Variants in MREG observed in about 807,000 individuals in gnomAD.
MREG encodes dilute suppressor protein homolog.
Under a neutral mutation model 28.5 loss-of-function variants are expected in MREG, and 31 were observed. The observed-to-expected ratio is 1.09, with a 90% CI of 0.82 to 1.47. MREG has a LOEUF of 1.47. Among genes scored for constraint, MREG ranks in the 40% most tolerant of loss-of-function variants. The pLI, the probability that MREG is intolerant of heterozygous loss-of-function variation, is 0.00. For synonymous variants in MREG, 106 were observed against 95.2 expected, an observed-to-expected ratio of 1.11 and a Z score of -0.66; for missense variants, 256 against 257.4, an observed-to-expected ratio of 0.99 and a Z score of 0.04.
rs770513075 is a variant in MREG, at chr2:215,944,905, A to G, written c.603T>C (p.Asp201=). 5 of 1,608,180 alleles carry G rather than the reference A, an allele frequency of 3.1e-6. No individual in the cohort carries two copies. The highest frequency in any genetic ancestry group is 2.2e-5 in the East Asian group (1 of 44,744). The change falls in exon 5 of 5, where the codon GAT becomes GAC. Residue 201 remains aspartate (D), a synonymous_variant. Coordinates refer to ENST00000263268, the MANE Select transcript of MREG (RefSeq NM_018000.3). ...GAAGGTAGTGCAGTTCTTTCTGGCCATCTGCCAGGCATGGAACCCCAGGCT... is the reference window on the plus strand; with the variant it reads ...GAAGGTAGTGCAGTTCTTTCTGGCCGTCTGCCAGGCATGGAACCCCAGGCT... ...PKKPGVPCLA[D]GQKELHYLPF...
intron 3 of MREG, 106 bp from the exon 4 acceptor site, chr2:215,945,840 A>T (rs1325683741): frequency 1.0e-6 from 1 of 958,614 alleles, no homozygotes. Flanking sequence ...TGGATTCTGT[A>T]CAAGCATAAA....
At chr2:216,025,779 G>A (rs1036607981) in intron 1 of MREG, among the ~76,000 whole-genome samples, 2 of 152,206 alleles carry the variant, frequency 1.3e-5, no homozygotes, top group Non-Finnish European at 2.9e-5. Context: ...TCTAGAGCCC[G>A]TGAATCTCAG....
intron 2 of MREG, among the ~76,000 whole-genome samples, chr2:215,982,491 T>C (rs1693457174): frequency 6.6e-6 from 1 of 151,842 alleles, no homozygotes; most frequent in Non-Finnish European, 1.5e-5. Flanking sequence ...AATCCATGGG[T>C]TTTAGTAATC....
intron 2 of MREG, among the ~76,000 whole-genome samples, chr2:215,990,016 C>A (rs1273408887): frequency 1.3e-5 from 2 of 152,018 alleles, no homozygotes; most frequent in Non-Finnish European, 2.9e-5. Flanking sequence ...GCAAGACAGG[C>A]CAACATTCAA....
chr2:215,955,346 G>A (rs1046199913), intron 2 of MREG, among the ~76,000 whole-genome samples: 11 of 151,956 alleles, frequency 7.2e-5, no homozygotes, highest in South Asian at 6.2e-4. Context: ...AAGATTTTTC[G>A]CTTCCTAGTC....
chr2:215,985,018 C>G (rs550672725), intron 2 of MREG, among the ~76,000 whole-genome samples: 5 of 152,188 alleles, frequency 3.3e-5, no homozygotes, highest in Non-Finnish European at 5.9e-5. Context: ...AAGCCAGATT[C>G]AAATCCTGCA....
At chr2:215,999,882 A>G (rs1693969473) in intron 1 of MREG, among the ~76,000 whole-genome samples, 1 of 152,160 alleles carries the variant, frequency 6.6e-6, no homozygotes, top group African/African-American at 2.4e-5. Context: ...AGAGATCTAG[A>G]TGTGGGAGCA....
At chr2:215,959,356 C>T (rs1480038869) in intron 2 of MREG, among the ~76,000 whole-genome samples, 1 of 143,314 alleles carries the variant, frequency 7.0e-6, no homozygotes, top group Non-Finnish European at 1.5e-5. Flanking sequence ...CTAAGTCACC[C>T]TTCCACCTTA....
intron 1 of MREG, among the ~76,000 whole-genome samples, chr2:216,006,601 C>T (rs1031557274): frequency 3.9e-5 from 6 of 152,272 alleles, no homozygotes; most frequent in African/African-American, 7.2e-5. Context: ...GACCTGGCTC[C>T]GGAAAACCCA....
intron 1 of MREG, among the ~76,000 whole-genome samples, chr2:216,009,335 C>T (rs1474983713): frequency 6.7e-6 from 1 of 149,432 alleles, no homozygotes; most frequent in Non-Finnish European, 1.5e-5. Flanking sequence ...AGCTAAAGTA[C>T]AAAAATGCAA....
upstream of MREG, among the ~76,000 whole-genome samples, chr2:216,017,853 A>C (rs903071720): frequency 1.3e-5 from 2 of 152,174 alleles, no homozygotes; most frequent in East Asian, 3.8e-4. Flanking sequence ...TTAGAAATTC[A>C]AAACACTGAA....
intron 1 of MREG, among the ~76,000 whole-genome samples, chr2:216,026,654 A>G (rs1275952968): frequency 6.6e-6 from 1 of 152,018 alleles, no homozygotes; most frequent in Non-Finnish European, 1.5e-5. Context: ...AGCCACCACA[A>G]CTGGCTAAAC....
chr2:216,031,839 T>C (rs1214722609), intron 1 of MREG, among the ~76,000 whole-genome samples: 2 of 152,198 alleles, frequency 1.3e-5, no homozygotes, highest in African/African-American at 4.8e-5. Context: ...CACAGCTAAA[T>C]CTCGCAGCAA....
intron 2 of MREG, among the ~76,000 whole-genome samples, chr2:215,975,842 T>C (rs1212989110): frequency 2.0e-5 from 3 of 152,044 alleles, no homozygotes; most frequent in Non-Finnish European, 4.4e-5. Context: ...TCCCAGCACT[T>C]TGGGAGGTTG....
chr2:215,956,699 C>G (rs1168014217), intron 2 of MREG, among the ~76,000 whole-genome samples: 1 of 152,046 alleles, frequency 6.6e-6, no homozygotes, highest in African/African-American at 2.4e-5. Context: ...TCACCACATC[C>G]AGCTAATTTT....
At chr2:216,024,084 A>T (rs1694560815) in intron 1 of MREG, among the ~76,000 whole-genome samples, 1 of 152,118 alleles carries the variant, frequency 6.6e-6, no homozygotes, top group Non-Finnish European at 1.5e-5. Context: ...CTGAAACTGG[A>T]TGCCTCTAAG....
intron 2 of MREG, among the ~76,000 whole-genome samples, chr2:215,978,115 A>G (rs916853648): frequency 4.6e-5 from 7 of 152,184 alleles, no homozygotes; most frequent in Non-Finnish European, 1.5e-5. Context: ...GAAAAGATCA[A>G]CAAAATTGAT....
chr2:216,033,081 A>G (rs1694735199), upstream of MREG: 2 of 152,180 alleles, frequency 1.3e-5, no homozygotes, highest in Admixed American at 1.3e-4. Flanking sequence ...TAGTTGGGGA[A>G]CTTCTAAACT....
At chr2:216,023,413 G>C (rs1421678659) in intron 1 of MREG, among the ~76,000 whole-genome samples, 1 of 152,190 alleles carries the variant, frequency 6.6e-6, no homozygotes, top group Non-Finnish European at 1.5e-5. Context: ...ATTTAAACTA[G>C]CTGTAAACTA....
Sources: allele counts gnomAD v4.1 joint callset (sites outside exome capture counted in the v4.1 genomes callset), GRCh38; gene constraint gnomAD v4.1.1; transcripts MANE v1.5; gene names NCBI Gene and HGNC (gene_info 2026-07-23, HGNC 2026-07-21).